TSNARE1: variants seen among roughly 807,000 people sequenced by gnomAD.
TSNARE1 encodes t-SNARE domain containing 1.
TSNARE1 carries 49 observed loss-of-function variants against 62.0 expected under a neutral mutation model. The ratio of observed to expected loss-of-function variants is 0.79; its 90% CI spans 0.63 to 1.00. The LOEUF is 1.00. Among genes scored for constraint, TSNARE1 ranks in the 50% least tolerant of loss-of-function variants. TSNARE1 has a pLI of 0.00. For synonymous variants in TSNARE1, 328 were observed against 294.4 expected, an observed-to-expected ratio of 1.11 and a Z score of -1.17; for missense variants, 755 against 700.1, an observed-to-expected ratio of 1.08 and a Z score of -0.88.
At chr8:142,393,818 G>A (rs1045150827) in intron 1 of TSNARE1, among the ~76,000 whole-genome samples, 3 of 152,196 alleles carry the variant, frequency 2.0e-5, no homozygotes, top group East Asian at 3.9e-4. Context: ...GCCTGGCTAC[G>A]TGCTGGTGTG....
At chr8:142,320,157 C>A (rs1586784079) in intron 6 of TSNARE1, among the ~76,000 whole-genome samples, 1 of 152,196 alleles carries the variant, frequency 6.6e-6, no homozygotes. Context: ...ACCACTGCAT[C>A]CCCTCACATT....
chr8:142,295,433 C>T (rs1010250939), intron 10 of TSNARE1, among the ~76,000 whole-genome samples: 4 of 152,198 alleles, frequency 2.6e-5, no homozygotes, highest in Admixed American at 1.3e-4. Context: ...CTTGGGTGGC[C>T]GCTCTGCTCC....
intron 1 of TSNARE1, among the ~76,000 whole-genome samples, chr8:142,370,311 G>A (rs141495880): frequency 1.2e-3 from 178 of 152,338 alleles, no homozygotes; most frequent in African/African-American, 4.1e-3. Context: ...GCTCATGCCT[G>A]TAATCCCAGC....
chr8:142,212,976 T>C (rs1488404079), intron 13 of TSNARE1, among the ~76,000 whole-genome samples: 1 of 64,964 alleles, frequency 1.5e-5, no homozygotes, highest in African/African-American at 6.6e-5. Flanking sequence ...CCTCCCCCTC[T>C]GCTCCTTCTC....
chr8:142,301,666 G>A (rs1383737207), intron 9 of TSNARE1, among the ~76,000 whole-genome samples: 2 of 152,248 alleles, frequency 1.3e-5, no homozygotes, highest in African/African-American at 2.4e-5. Context: ...GACATTGTGT[G>A]TGTGTGAGGG....
intron 10 of TSNARE1, among the ~76,000 whole-genome samples, chr8:142,288,656 C>T (rs1186150930): frequency 6.6e-6 from 1 of 152,282 alleles, no homozygotes; most frequent in Non-Finnish European, 1.5e-5. Flanking sequence ...ACATGTCAGG[C>T]CCGCAGACAG....
At chr8:142,306,743 T>C (rs989656921) in intron 9 of TSNARE1, among the ~76,000 whole-genome samples, 1 of 152,258 alleles carries the variant, frequency 6.6e-6, no homozygotes, top group African/African-American at 2.4e-5. Flanking sequence ...ATTTATAGTT[T>C]GCAAATTCCT....
At chr8:142,246,399 C>T (rs1817885445) in intron 12 of TSNARE1, among the ~76,000 whole-genome samples, 1 of 152,138 alleles carries the variant, frequency 6.6e-6, no homozygotes, top group East Asian at 1.9e-4. Flanking sequence ...TCCCTGCCCC[C>T]CACCATCCAG....
intron 10 of TSNARE1, among the ~76,000 whole-genome samples, chr8:142,286,913 A>G (rs1322648861): frequency 6.6e-6 from 1 of 152,224 alleles, no homozygotes; most frequent in African/African-American, 2.4e-5. Context: ...CTTCACAGGC[A>G]GAAGCATCTC....
intron 1 of TSNARE1, among the ~76,000 whole-genome samples, chr8:142,358,311 C>T (rs1471054901): frequency 2.6e-5 from 4 of 151,836 alleles, no homozygotes; most frequent in Admixed American, 6.6e-5. Context: ...CTGCAAAGGG[C>T]GGCAGGGTCT....
At chr8:142,272,295 T>A (rs1278385970) in intron 12 of TSNARE1, among the ~76,000 whole-genome samples, 3 of 133,546 alleles carry the variant, frequency 2.2e-5, no homozygotes, top group Non-Finnish European at 4.7e-5. Flanking sequence ...CACCCGCCCA[T>A]CTACACCTTC....
chr8:142,304,964 C>G (rs1487634386), intron 9 of TSNARE1, among the ~76,000 whole-genome samples: 2 of 152,338 alleles, frequency 1.3e-5, no homozygotes, highest in South Asian at 4.1e-4. Context: ...TCAAAGCCCC[C>G]AGGTAAACAT....
At position 142,251,003 on chromosome 8, in the gene TSNARE1, G is replaced by T. The variant is rs577037081; in HGVS notation, c.1447-21424C>A. 3.9e-5 allele frequency among the ~76,000 whole-genome samples: 6 copies of T among 152,342 alleles called. No individual in the cohort carries two copies. In the East Asian group the frequency reaches 5.8e-4, roughly 15 times the overall value. On this transcript the variant is annotated intron_variant, in intron 12 of 13. Transcript: ENST00000524325. The stretch of plus-strand genomic sequence containing the variant: ...CGGCTCAGCCTCCAGGGAGCAGCGG[G>T]CTGTCATGGGAGCTGCCCATGGTGC...
chr8:142,358,791 G>T (rs1038826180), intron 1 of TSNARE1, among the ~76,000 whole-genome samples: 1 of 152,066 alleles, frequency 6.6e-6, no homozygotes, highest in Admixed American at 6.5e-5. Context: ...CCCCCCCATC[G>T]CTGGGAGACC....
At chr8:142,269,314 G>T in intron 12 of TSNARE1, 1 of 443,992 alleles carries the variant, frequency 2.3e-6, no homozygotes, top group Non-Finnish European at 3.0e-6. Context: ...GCAGGAGCAG[G>T]ATCAGGGCTC....
chr8:142,360,508 C>T (rs965040269), intron 1 of TSNARE1, among the ~76,000 whole-genome samples: 5 of 152,144 alleles, frequency 3.3e-5, no homozygotes, highest in East Asian at 1.9e-4. Context: ...TGAGGCCGGA[C>T]GGAGGCCAGG....
At chr8:142,387,792 A>C (rs1837209579) in intron 1 of TSNARE1, among the ~76,000 whole-genome samples, 1 of 152,220 alleles carries the variant, frequency 6.6e-6, no homozygotes, top group Non-Finnish European at 1.5e-5. Context: ...AAAAAGCACC[A>C]GGTCCCAACA....
At position 142,354,842 on chromosome 8, in the gene TSNARE1, G is replaced by A. The variant is rs190679890; in HGVS notation, c.-39-79C>T. 1,351 of 783,628 alleles carry A rather than the reference G, an allele frequency of 1.7e-3. 15 individuals are homozygous for A. The African/African-American group carries it at 0.02, about 12-fold the overall frequency. The allele number at this position is 783,628 out of a possible 1,614,324, so 48.5% of individuals were successfully genotyped here. A position where few individuals can be genotyped will look rare whatever the true frequency, so the allele number is the denominator to read the frequency against. ...CTCCAATTCAGGGTGCACAGGGGCC[G>A]CCGGCCCCTCCCCAGCCCCAAGACC... is the stretch of plus-strand genomic sequence containing the variant. On this transcript the variant is annotated intron_variant, in intron 1 of 13. Coordinates refer to ENST00000524325, the MANE Select transcript of TSNARE1 (RefSeq NM_145003.5).
intron 10 of TSNARE1, among the ~76,000 whole-genome samples, chr8:142,290,307 T>C (rs985459075): frequency 2.0e-5 from 3 of 151,976 alleles, no homozygotes; most frequent in Admixed American, 6.6e-5. Context: ...ACGCAGGCCA[T>C]ACCCTGGCAC....
Sources: allele counts gnomAD v4.1 joint callset (sites outside exome capture counted in the v4.1 genomes callset), GRCh38; gene constraint gnomAD v4.1.1; transcripts MANE v1.5; gene names NCBI Gene and HGNC (gene_info 2026-07-23, HGNC 2026-07-21).